Variants in SH3RF3 observed in about 807,000 individuals in gnomAD.
SH3RF3 encodes E3 ubiquitin-protein ligase SH3RF3.
In SH3RF3, 29 loss-of-function variants were observed where a neutral mutation model predicts 66.3. The ratio of observed to expected loss-of-function variants is 0.44; its 90% CI spans 0.33 to 0.60. The LOEUF (loss-of-function observed/expected upper bound fraction) is 0.60, where lower values mean the gene tolerates loss of function less well. SH3RF3 is among the 20% of genes least tolerant of loss of function. The pLI is 0.04. For synonymous variants in SH3RF3, 583 were observed against 532.0 expected (o/e 1.10, Z -1.32); for missense variants, 1,194 against 1,190.9 (o/e 1.00, Z -0.04).
chr2:109,409,124 C>G (rs1036223333), intron 4 of SH3RF3, among the ~76,000 whole-genome samples: 2 of 152,218 alleles, frequency 1.3e-5, no homozygotes, highest in Non-Finnish European at 2.9e-5. Flanking sequence ...GTTCTCCTCC[C>G]ATATTCCACT....
chr2:109,177,093 C>T (rs917917011), intron 1 of SH3RF3, among the ~76,000 whole-genome samples: 1 of 152,170 alleles, frequency 6.6e-6, no homozygotes, highest in Admixed American at 6.5e-5. Flanking sequence ...ACAATAAGCT[C>T]TGTTTACTGG....
At chr2:109,141,281 C>T (rs1254438106) in intron 1 of SH3RF3, among the ~76,000 whole-genome samples, 1 of 152,216 alleles carries the variant, frequency 6.6e-6, no homozygotes, top group Admixed American at 6.5e-5. Flanking sequence ...TTCCTGGCAA[C>T]CAGTGCTCTG....
intron 4 of SH3RF3, among the ~76,000 whole-genome samples, chr2:109,401,519 A>G (rs1279989555): frequency 6.6e-6 from 1 of 152,212 alleles, no homozygotes; most frequent in African/African-American, 2.4e-5. Context: ...CTATCCTGAC[A>G]AGTATCTGGC....
intron 1 of SH3RF3, among the ~76,000 whole-genome samples, chr2:109,227,122 C>T (rs1473398776): frequency 2.0e-5 from 3 of 152,138 alleles, no homozygotes; most frequent in East Asian, 1.9e-4. Context: ...GCAGAACTCA[C>T]GAGATTCACT....
At chr2:109,423,036 T>G (rs543155430) in intron 5 of SH3RF3, among the ~76,000 whole-genome samples, 7 of 152,276 alleles carry the variant, frequency 4.6e-5, no homozygotes, top group African/African-American at 1.7e-4. Context: ...TGGGACTGCA[T>G]GTCAGCTTGC....
chr2:109,203,222 G>T (rs1023982179), intron 1 of SH3RF3, among the ~76,000 whole-genome samples: 3 of 152,224 alleles, frequency 2.0e-5, no homozygotes, highest in African/African-American at 4.8e-5. Flanking sequence ...AGAGCCAGGA[G>T]CCTCTTCAGA....
At chr2:109,273,538 G>T (rs538663674) in intron 1 of SH3RF3, among the ~76,000 whole-genome samples, 1 of 152,350 alleles carries the variant, frequency 6.6e-6, no homozygotes, top group African/African-American at 2.4e-5. Flanking sequence ...CACTGGGCAC[G>T]TGTTTAGTGA....
intron 1 of SH3RF3, among the ~76,000 whole-genome samples, chr2:109,186,446 C>G (rs932841802): frequency 6.6e-6 from 1 of 152,226 alleles, no homozygotes; most frequent in Non-Finnish European, 1.5e-5. Context: ...GCAAACACTT[C>G]ACCGCCGTGC....
At chr2:109,486,538 G>A (rs1307898495) in intron 8 of SH3RF3, among the ~76,000 whole-genome samples, 2 of 152,232 alleles carry the variant, frequency 1.3e-5, no homozygotes, top group Non-Finnish European at 2.9e-5. Flanking sequence ...ATAATCACCA[G>A]ATATTGATGA....
chr2:109,371,481 C>A (rs1027143827), intron 2 of SH3RF3, 105 bp from the exon 3 acceptor site: 8 of 855,978 alleles, frequency 9.3e-6, no homozygotes, highest in Non-Finnish European at 1.3e-5. Context: ...GAACTCATTC[C>A]TTGGAATCTC....
At chr2:109,480,827 A>G (rs1210744540) in intron 8 of SH3RF3, among the ~76,000 whole-genome samples, 1 of 152,044 alleles carries the variant, frequency 6.6e-6, no homozygotes, top group Non-Finnish European at 1.5e-5. Flanking sequence ...CTGGGACCTC[A>G]TGGAGGGCGG....
intron 8 of SH3RF3, among the ~76,000 whole-genome samples, chr2:109,473,084 G>T (rs934067718): frequency 6.6e-6 from 1 of 152,236 alleles, no homozygotes; most frequent in African/African-American, 2.4e-5. Context: ...CGAGTCCCAA[G>T]AATCTAAAGA....
chr2:109,435,851 A>G (rs959007317), intron 6 of SH3RF3, among the ~76,000 whole-genome samples: 2 of 152,206 alleles, frequency 1.3e-5, no homozygotes, highest in Admixed American at 1.3e-4. Flanking sequence ...GTTTTGGCTG[A>G]CCTGCTAACA....
chr2:109,456,002 C>T (rs555673166), intron 8 of SH3RF3, among the ~76,000 whole-genome samples: 30 of 152,310 alleles, frequency 2.0e-4, no homozygotes, highest in African/African-American at 6.7e-4. Flanking sequence ...GGAGACCTGC[C>T]CTGCAGCCTG....
chr2:109,243,097 T>C (rs1679825993), intron 1 of SH3RF3, among the ~76,000 whole-genome samples: 1 of 152,156 alleles, frequency 6.6e-6, no homozygotes, highest in Non-Finnish European at 1.5e-5. Context: ...CAGCAGCAGA[T>C]GAGATGGGAG....
At chr2:109,463,487 G>A (rs907401987) in intron 8 of SH3RF3, among the ~76,000 whole-genome samples, 24 of 152,304 alleles carry the variant, frequency 1.6e-4, no homozygotes, top group Non-Finnish European at 2.5e-4. Context: ...TCAAGGGTGC[G>A]AGGACTCCCC....
At chr2:109,467,545 C>G (rs541384144) in intron 8 of SH3RF3, among the ~76,000 whole-genome samples, 14 of 152,320 alleles carry the variant, frequency 9.2e-5, no homozygotes, top group Middle Eastern at 6.8e-3. Flanking sequence ...CAATGCACAT[C>G]GCCCAGATGG....
At chr2:109,243,543 T>C (rs1462192464) in intron 1 of SH3RF3, among the ~76,000 whole-genome samples, 1 of 152,186 alleles carries the variant, frequency 6.6e-6, no homozygotes, top group Non-Finnish European at 1.5e-5. Flanking sequence ...TACAGGTAAT[T>C]AACACCATGG....
chr2:109,490,529 G>A, intron 8 of SH3RF3, 76 bp from the exon 9 acceptor site: 5 of 1,172,104 alleles, frequency 4.3e-6, no homozygotes, highest in Non-Finnish European at 4.5e-6. Flanking sequence ...ATAGGAAGAT[G>A]CATTCCCCTC....
Sources: allele counts gnomAD v4.1 joint callset (sites outside exome capture counted in the v4.1 genomes callset), GRCh38; gene constraint gnomAD v4.1.1; transcripts MANE v1.5; gene names NCBI Gene and HGNC (gene_info 2026-07-23, HGNC 2026-07-21).